The following LRRC4C variants were observed in gnomAD, a reference collection of about 807,000 sequenced individuals.
LRRC4C encodes the protein leucine-rich repeat-containing protein 4C.
A neutral mutation model predicts 33.6 loss-of-function variants in LRRC4C; 5 were observed. The observed-to-expected ratio is 0.15, with a 90% CI of 0.08 to 0.31. The LOEUF is 0.31. LRRC4C is among the 10% of genes least tolerant of loss of function. LRRC4C has a pLI of 1.00. For missense variants in LRRC4C, 560 were observed against 796.7 expected (o/e 0.70, Z 3.58); for synonymous variants, 329 against 302.0 (o/e 1.09, Z -0.93).
intron 5 of LRRC4C, among the ~76,000 whole-genome samples, chr11:40,142,899 C>T (rs1857469621): frequency 6.6e-6 from 1 of 152,136 alleles, no homozygotes; most frequent in African/African-American, 2.4e-5. Flanking sequence ...TACAGTCAAA[C>T]TCTTCATTTT....
At chr11:40,342,968 G>T (rs188708270) in intron 3 of LRRC4C, among the ~76,000 whole-genome samples, 89 of 152,010 alleles carry the variant, frequency 5.9e-4, no homozygotes, top group Non-Finnish European at 7.4e-5. Context: ...TTAAAAGTGG[G>T]CTCCATAAGT....
chr11:41,274,221 C>T (rs777200258), intron 1 of LRRC4C, among the ~76,000 whole-genome samples: 6 of 152,058 alleles, frequency 3.9e-5, no homozygotes, highest in African/African-American at 9.7e-5. Flanking sequence ...GGAGGCACTT[C>T]GAGTTTCATT....
chr11:41,372,187 C>T (rs1226724035), intron 1 of LRRC4C, among the ~76,000 whole-genome samples: 2 of 152,174 alleles, frequency 1.3e-5, no homozygotes, highest in African/African-American at 2.4e-5. Flanking sequence ...CCAGAGTCTG[C>T]ATGCCTGACT....
intron 3 of LRRC4C, among the ~76,000 whole-genome samples, chr11:40,400,421 GTA>G (rs954406159): frequency 6.6e-5 from 10 of 152,086 alleles, no homozygotes; most frequent in African/African-American, 1.9e-4. Flanking sequence ...AAGTGTGTGT[GTA>G]TATATGTCTG....
chr11:40,355,395 C>T (rs1407610390), intron 3 of LRRC4C, among the ~76,000 whole-genome samples: 3 of 152,056 alleles, frequency 2.0e-5, no homozygotes, highest in African/African-American at 7.2e-5. Flanking sequence ...CAGGACTTGC[C>T]CAGGAATTAT....
At chr11:40,167,216 G>A (rs1859668786) in intron 5 of LRRC4C, among the ~76,000 whole-genome samples, 1 of 152,074 alleles carries the variant, frequency 6.6e-6, no homozygotes, top group Non-Finnish European at 1.5e-5. Context: ...GTCCAAAATT[G>A]GAGTTTCTTG....
intron 2 of LRRC4C, among the ~76,000 whole-genome samples, chr11:40,659,427 G>A (rs1442131702): frequency 6.6e-6 from 1 of 152,116 alleles, no homozygotes; most frequent in African/African-American, 2.4e-5. Context: ...CCTGAAGCCT[G>A]GGGTCCAGGC....
intron 2 of LRRC4C, among the ~76,000 whole-genome samples, chr11:40,661,411 G>C (rs187529588): frequency 6.6e-6 from 1 of 152,252 alleles, no homozygotes; most frequent in Admixed American, 6.5e-5. Context: ...TTTGAGCTAG[G>C]TTTCTAGGAT....
intron 3 of LRRC4C, among the ~76,000 whole-genome samples, chr11:40,580,058 G>GGTGTGTGTGTGTGT (rs72110597): frequency 0.021 from 3,008 of 145,432 alleles, 51 homozygotes; most frequent in Admixed American, 0.059. Flanking sequence ...GTACTTTTCA[G>GGTGTGTGTGTGTGT]GTGTGTGTGT....
chr11:40,513,016 G>A (rs1028014896), intron 3 of LRRC4C, among the ~76,000 whole-genome samples: 4 of 152,086 alleles, frequency 2.6e-5, no homozygotes, highest in African/African-American at 4.8e-5. Flanking sequence ...TTGGGAGGCC[G>A]AGGCGGGCAG....
chr11:40,226,576 G>A (rs1864813237), intron 5 of LRRC4C, among the ~76,000 whole-genome samples: 1 of 152,082 alleles, frequency 6.6e-6, no homozygotes, highest in South Asian at 2.1e-4. Context: ...AGTGGTCTGA[G>A]GCCAGTTCTT....
intron 3 of LRRC4C, among the ~76,000 whole-genome samples, chr11:40,566,017 T>A (rs1957744327): frequency 6.6e-6 from 1 of 151,916 alleles, no homozygotes. Context: ...CAATTCATAT[T>A]TCCATTAAAG....
At chr11:40,504,286 CAT>C (rs1954925142) in intron 3 of LRRC4C, among the ~76,000 whole-genome samples, 1 of 152,124 alleles carries the variant, frequency 6.6e-6, no homozygotes, top group South Asian at 2.1e-4. Context: ...AGTTTAAAGA[CAT>C]AAAAATATTC....
chr11:40,504,721 G>A (rs1954947387), intron 3 of LRRC4C, among the ~76,000 whole-genome samples: 1 of 151,992 alleles, frequency 6.6e-6, no homozygotes, highest in Non-Finnish European at 1.5e-5. Flanking sequence ...TTTTTTATTT[G>A]TTAACTATTT....
intron 1 of LRRC4C, among the ~76,000 whole-genome samples, chr11:41,009,297 T>C (rs1854999758): frequency 6.6e-6 from 1 of 152,006 alleles, no homozygotes; most frequent in Admixed American, 6.6e-5. Context: ...GTGTAAATTT[T>C]TCGAGTATCA....
At chr11:40,185,161 G>A (rs6485188) in intron 5 of LRRC4C, among the ~76,000 whole-genome samples, 142,896 of 152,246 alleles carry the variant, frequency 0.94, 67,175 homozygotes, top group Middle Eastern at 0.96. Context: ...ACTGCACTTA[G>A]CTTTTGGGAT....
chr11:40,658,306 T>C (rs1943239799), intron 2 of LRRC4C, among the ~76,000 whole-genome samples: 1 of 152,160 alleles, frequency 6.6e-6, no homozygotes, highest in African/African-American at 2.4e-5. Context: ...TTATTTAAGG[T>C]TGAATCATGA....
intron 2 of LRRC4C, among the ~76,000 whole-genome samples, chr11:40,727,140 G>C (rs1489779766): frequency 1.3e-5 from 2 of 152,088 alleles, no homozygotes; most frequent in Non-Finnish European, 2.9e-5. Context: ...ATCAAAGACA[G>C]GCATCACATT....
intron 2 of LRRC4C, among the ~76,000 whole-genome samples, chr11:40,795,344 C>T (rs570628472): frequency 5.7e-4 from 86 of 151,968 alleles, no homozygotes; most frequent in Admixed American, 9.2e-4. Flanking sequence ...CTGGCTAACA[C>T]GGTGAAACCC....
Sources: gnomAD v4.1 joint callset for allele counts (sites outside exome capture counted in the v4.1 genomes callset) on GRCh38, gnomAD v4.1.1 for gene constraint, MANE v1.5 for transcripts, NCBI Gene and HGNC (gene_info 2026-07-23, HGNC 2026-07-21) for gene names.